The following RMND1 variants were observed in gnomAD, a reference collection of about 807,000 sequenced individuals.
RMND1 encodes the protein required for meiotic nuclear division protein 1 homolog.
RMND1 carries 41 observed loss-of-function variants against 54.0 expected under a neutral mutation model. The observed-to-expected ratio is 0.76, with a 90% CI of 0.59 to 0.98. RMND1 has a LOEUF of 0.98. Ranked by LOEUF, RMND1 falls within the 50% of genes least tolerant of loss-of-function variation. The pLI, the probability that RMND1 is intolerant of heterozygous loss-of-function variation, is 0.00. For missense variants in RMND1, 457 were observed against 532.0 expected (o/e 0.86, Z 1.39); for synonymous variants, 183 against 181.7 (o/e 1.01, Z -0.06).
At chr6:151,406,481 C>T (rs974022248) in intron 10 of RMND1, among the ~76,000 whole-genome samples, 2 of 152,068 alleles carry the variant, frequency 1.3e-5, no homozygotes, top group South Asian at 4.1e-4. Context: ...CCTGCCTCAG[C>T]CTCCCAAATA....
intron 6 of RMND1, among the ~76,000 whole-genome samples, chr6:151,425,450 GTACA>G (rs1780268977): frequency 1.3e-5 from 2 of 150,932 alleles, no homozygotes; most frequent in Non-Finnish European, 2.9e-5. Flanking sequence ...GTGGATAAGC[GTACA>G]CACACACACA....
chr6:151,426,201 C>A (rs1192699651), intron 6 of RMND1, among the ~76,000 whole-genome samples: 1 of 152,154 alleles, frequency 6.6e-6, no homozygotes, highest in Non-Finnish European at 1.5e-5. Flanking sequence ...CCCACCCTGG[C>A]CTCCCAAAGT....
At chr6:151,407,234 G>A (rs767107219) in intron 10 of RMND1, among the ~76,000 whole-genome samples, 1 of 152,122 alleles carries the variant, frequency 6.6e-6, no homozygotes, top group African/African-American at 2.4e-5. Context: ...ATTTCCAGGC[G>A]TTATGGTCAC....
intron 10 of RMND1, among the ~76,000 whole-genome samples, chr6:151,413,309 T>C (rs1214807437): frequency 6.6e-6 from 1 of 152,210 alleles, no homozygotes; most frequent in East Asian, 1.9e-4. Context: ...TGGAGTGCAG[T>C]GGTGCAGTCT....
At chr6:151,414,285 C>A (rs1293090521) in intron 10 of RMND1, among the ~76,000 whole-genome samples, 1 of 152,048 alleles carries the variant, frequency 6.6e-6, no homozygotes, top group Non-Finnish European at 1.5e-5. Context: ...TTGTGTTTCC[C>A]AGGCTAATCA....
chr6:151,449,773 C>T (rs1781077462), intron 1 of RMND1, among the ~76,000 whole-genome samples: 1 of 152,222 alleles, frequency 6.6e-6, no homozygotes, highest in Non-Finnish European at 1.5e-5. Flanking sequence ...CTCAGCCTGC[C>T]GAGTGCCTGC....
At chr6:151,407,853 G>A (rs1250795053) in intron 10 of RMND1, among the ~76,000 whole-genome samples, 1 of 152,038 alleles carries the variant, frequency 6.6e-6, no homozygotes, top group Non-Finnish European at 1.5e-5. Flanking sequence ...GGAGCTTGCA[G>A]TGAGCCAAGA....
chr6:151,412,105 G>A (rs976717013), intron 10 of RMND1, among the ~76,000 whole-genome samples: 3 of 152,076 alleles, frequency 2.0e-5, no homozygotes, highest in South Asian at 2.1e-4. Flanking sequence ...AGGTTCAAGC[G>A]ATTTTCCTGC....
intron 10 of RMND1, among the ~76,000 whole-genome samples, chr6:151,407,648 C>T (rs1487099595): frequency 6.6e-6 from 1 of 152,128 alleles, no homozygotes; most frequent in Non-Finnish European, 1.5e-5. Context: ...TGGCTCTTGC[C>T]TATAATCACA....
At chr6:151,413,920 G>C (rs936625898) in intron 10 of RMND1, 1 of 152,206 alleles carries the variant, frequency 6.6e-6, no homozygotes, top group African/African-American at 2.4e-5. Context: ...AGAGGAATAG[G>C]TGGTGCCAAG....
intron 9 of RMND1, 122 bp from the exon 10 acceptor site, chr6:151,417,521 T>G: frequency 1.4e-6 from 1 of 694,778 alleles, no homozygotes; most frequent in South Asian, 2.1e-5. Flanking sequence ...AGAGAGGGTC[T>G]TGCTATGTTA....
At chr6:151,431,521 T>G (rs1277138371) in intron 4 of RMND1, among the ~76,000 whole-genome samples, 1 of 152,134 alleles carries the variant, frequency 6.6e-6, no homozygotes, top group Admixed American at 6.6e-5. Context: ...ACAGCCACAG[T>G]ATCAGTTCAG....
chr6:151,448,500 T>G (rs1464067826), intron 1 of RMND1, among the ~76,000 whole-genome samples: 3 of 152,172 alleles, frequency 2.0e-5, no homozygotes, highest in Non-Finnish European at 4.4e-5. Context: ...AATAAGTATC[T>G]TTATAACTGC....
At chr6:151,443,696 C>T (rs1337557595) in intron 2 of RMND1, among the ~76,000 whole-genome samples, 10 of 152,184 alleles carry the variant, frequency 6.6e-5, no homozygotes, top group Admixed American at 5.2e-4. Context: ...AAGTCATTGT[C>T]TATCATGTTA....
chr6:151,445,216 T>C, intron 2 of RMND1, 92 bp downstream of exon 2: 2 of 1,352,070 alleles, frequency 1.5e-6, no homozygotes, highest in Non-Finnish European at 2.0e-6. Context: ...GCTAGTTCTC[T>C]TACGTTGGCG....
In RMND1 at chr6:151,405,803, G is replaced by C; in HGVS notation, c.1234C>G (p.Leu412Val). 6.2e-7 allele frequency: 1 copy of C among 1,610,992 alleles called. No individual in the cohort carries two copies. The highest frequency in any genetic ancestry group is 8.5e-7 in the Non-Finnish European group (1 of 1,177,386). Residue 412 changes from leucine (L) to valine (V), a missense_variant, in exon 11 of 12, where the codon CTA (leucine) becomes GTA (valine). Leu to Val is a conservative substitution (Grantham distance 32). Coordinates refer to ENST00000444024, the MANE Select transcript of RMND1 (RefSeq NM_017909.4). ...MNEKLQHCME[L>V]TDLMRNHLNE... ...AGGTGATTCCGCATTAGATCTGTTA[G>C]TTCCATGCAGTGCTGAAGTTTTTCA...
In RMND1 at chr6:151,422,541, C is replaced by A; in HGVS notation, c.1002G>T (p.Glu334Asp). ...KFIESIQSIP[E>D]ALKAGKKVKL... Reference sequence around the variant, plus strand: ...ATAAGCATAAAATTGATATAATTACCTCAGGAATTGACTGAATAGATTCAA... The same window carrying A: ...ATAAGCATAAAATTGATATAATTACATCAGGAATTGACTGAATAGATTCAA... The change falls in exon 8 of 12, where the codon GAG becomes GAT. Residue 334 changes from glutamate (E) to aspartate (D), a missense_variant and splice_region_variant. Glu to Asp is a conservative substitution (Grantham distance 45). Transcript: ENST00000444024. The A allele has an allele frequency of 1.4e-6, 2 of 1,463,406 alleles. No homozygotes were observed. The highest frequency in any genetic ancestry group is 1.9e-6 in the Non-Finnish European group (2 of 1,077,860). 90.7% of individuals were successfully genotyped at this position (1,463,406 alleles called of 1,614,324 possible). A position where few individuals can be genotyped will look rare whatever the true frequency, so the allele number is the denominator to read the frequency against.
intron 2 of RMND1, among the ~76,000 whole-genome samples, chr6:151,439,782 C>G (rs1780719155): frequency 6.6e-6 from 1 of 152,218 alleles, no homozygotes; most frequent in African/African-American, 2.4e-5. Flanking sequence ...GCCGCAGCCT[C>G]TCGAGTTGCT....
intron 3 of RMND1, among the ~76,000 whole-genome samples, chr6:151,435,702 G>A (rs1274009327): frequency 1.3e-5 from 2 of 151,602 alleles, no homozygotes; most frequent in Non-Finnish European, 2.9e-5. Flanking sequence ...TTACAGGCGT[G>A]AGCTACTGCA....
Sources: allele counts gnomAD v4.1 joint callset (sites outside exome capture counted in the v4.1 genomes callset), GRCh38; gene constraint gnomAD v4.1.1; transcripts MANE v1.5; gene names NCBI Gene and HGNC (gene_info 2026-07-23, HGNC 2026-07-21).